The following GALNTL6 variants were observed in gnomAD, a reference collection of about 807,000 sequenced individuals.
The protein encoded by GALNTL6 is polypeptide N-acetylgalactosaminyltransferase like 6, also known as polypeptide N-acetylgalactosaminyltransferase-like 6.
Under a neutral mutation model 73.7 loss-of-function variants are expected in GALNTL6, and 46 were observed. That is an observed-to-expected ratio of 0.62 (90% CI 0.49 to 0.80). GALNTL6 has a LOEUF of 0.80. GALNTL6 is among the 30% of genes least tolerant of loss of function. The pLI is 0.00. For synonymous variants in GALNTL6, 259 were observed against 263.7 expected (o/e 0.98, Z 0.17); for missense variants, 604 against 755.0 (o/e 0.80, Z 2.34).
chr4:172,553,727 C>T (rs1736044139), intron 5 of GALNTL6, among the ~76,000 whole-genome samples: 1 of 152,080 alleles, frequency 6.6e-6, no homozygotes, highest in African/African-American at 2.4e-5. Flanking sequence ...CAACATATCT[C>T]TTATCTCCTT....
At chr4:171,987,754 G>A (rs1023134487) in intron 2 of GALNTL6, among the ~76,000 whole-genome samples, 7 of 152,136 alleles carry the variant, frequency 4.6e-5, no homozygotes, top group African/African-American at 1.7e-4. Context: ...GCTGGTGTGT[G>A]GCGATTAGGC....
chr4:172,078,248 T>A (rs1731768198), intron 2 of GALNTL6, among the ~76,000 whole-genome samples: 2 of 152,174 alleles, frequency 1.3e-5, no homozygotes, highest in Non-Finnish European at 2.9e-5. Flanking sequence ...ATTCTCGTGA[T>A]AGTGAGTTCT....
chr4:172,170,992 AAC>A (rs1734802099), intron 2 of GALNTL6, among the ~76,000 whole-genome samples: 1 of 152,250 alleles, frequency 6.6e-6, no homozygotes, highest in Non-Finnish European at 1.5e-5. Flanking sequence ...GAAAAGCAAT[AAC>A]ACACATTAGT....
chr4:171,966,341 AAGG>A (rs1364352851), intron 2 of GALNTL6, among the ~76,000 whole-genome samples: 4 of 152,240 alleles, frequency 2.6e-5, no homozygotes. Context: ...TTAATTAAGA[AAGG>A]TTTTTCTGTA....
Position 172,605,553 on chromosome 4 carries a change from T to C in GALNTL6, c.554-203808T>C, listed in dbSNP as rs541082421. ...TTGGGGAGAAATAATTTAAACATAT[T>C]AAGAACTTCTAGGAGGTCTCTAGAT... On this transcript the variant is annotated intron_variant, in intron 5 of 12. Transcript: ENST00000506823. Among the ~76,000 whole-genome samples, 4 of 152,190 alleles carry C rather than the reference T, an allele frequency of 2.6e-5. No homozygotes were observed. In the South Asian group the frequency reaches 8.3e-4, roughly 32 times the overall value.
chr4:172,124,297 A>G (rs1464405053), intron 2 of GALNTL6, among the ~76,000 whole-genome samples: 1 of 152,184 alleles, frequency 6.6e-6, no homozygotes, highest in Non-Finnish European at 1.5e-5. Context: ...AATTAATGTA[A>G]TGATCTAATA....
At chr4:172,994,936 C>T (rs1157994615) in intron 10 of GALNTL6, among the ~76,000 whole-genome samples, 1 of 152,146 alleles carries the variant, frequency 6.6e-6, no homozygotes, top group African/African-American at 2.4e-5. Context: ...TATTTTCAAC[C>T]TGCTCACATT....
rs187988442 is a variant in GALNTL6 at position 171,877,244 on chromosome 4, G to A, written c.138+62526G>A. On this transcript the variant is annotated intron_variant, in intron 2 of 12. Transcript: ENST00000506823. ...TGGAAACTACATTAAGTGTGGCTAC[G>A]AATTACCCCTTTCTCTGAGATTCAA... 8.7e-4 allele frequency among the ~76,000 whole-genome samples: 132 copies of A among 152,208 alleles called. 1 individual carries two copies. Among genetic ancestry groups the A allele is most frequent in the Non-Finnish European group, 2.9e-5 (2 of 68,022 alleles).
chr4:172,943,096 T>C (rs891542468), intron 9 of GALNTL6, among the ~76,000 whole-genome samples: 8 of 119,678 alleles, frequency 6.7e-5, no homozygotes, highest in Non-Finnish European at 1.2e-4. Context: ...CCTATTATCC[T>C]TTTTTTTTTT....
chr4:172,708,762 T>C (rs1178851124), intron 5 of GALNTL6, among the ~76,000 whole-genome samples: 1 of 152,226 alleles, frequency 6.6e-6, no homozygotes, highest in African/African-American at 2.4e-5. Context: ...ATTCTGACCA[T>C]ATCATAATTG....
chr4:172,778,990 C>G (rs1452941081), intron 5 of GALNTL6, among the ~76,000 whole-genome samples: 1 of 151,472 alleles, frequency 6.6e-6, no homozygotes, highest in Non-Finnish European at 1.5e-5. Flanking sequence ...CTCTCTCTCT[C>G]TCACACACAC....
chr4:172,364,979 T>C (rs1742503312), intron 5 of GALNTL6, among the ~76,000 whole-genome samples: 1 of 152,186 alleles, frequency 6.6e-6, no homozygotes. Flanking sequence ...GTGCTTGTTT[T>C]TGTCACTGCT....
chr4:171,956,589 T>A lies in GALNTL6; in HGVS notation c.138+141871T>A, dbSNP rs1459985543. Among the ~76,000 whole-genome samples the A allele has an allele frequency of 2.6e-5, 4 of 152,216 alleles. No individual in the cohort carries two copies. The East Asian group carries it at 7.7e-4, about 29-fold the overall frequency. On this transcript the variant is annotated intron_variant, in intron 2 of 12. Transcript: ENST00000506823. ...TCACTAATGATAATTTCATATTTCT[T>A]CTTTTGTGAATTGTTTATGTTAATA... is the stretch of plus-strand genomic sequence containing the variant.
intron 5 of GALNTL6, among the ~76,000 whole-genome samples, chr4:172,482,245 G>A (rs1733514731): frequency 6.6e-6 from 1 of 152,176 alleles, no homozygotes; most frequent in African/African-American, 2.4e-5. Context: ...ATTCCCACCT[G>A]CGCCTCTCCC....
intron 2 of GALNTL6, among the ~76,000 whole-genome samples, chr4:172,011,570 A>G (rs1213557521): frequency 6.6e-6 from 1 of 152,068 alleles, no homozygotes; most frequent in African/African-American, 2.4e-5. Context: ...AGATTTTTTT[A>G]GGGCACTTTT....
At chr4:171,871,045 A>G (rs1052215861) in intron 2 of GALNTL6, among the ~76,000 whole-genome samples, 1 of 152,210 alleles carries the variant, frequency 6.6e-6, no homozygotes, top group Non-Finnish European at 1.5e-5. Flanking sequence ...ACAATTAAAA[A>G]TAAAACTAAT....
intron 2 of GALNTL6, among the ~76,000 whole-genome samples, chr4:171,865,783 A>G (rs1735953976): frequency 6.6e-6 from 1 of 152,224 alleles, no homozygotes; most frequent in African/African-American, 2.4e-5. Context: ...TCAATTGAAA[A>G]GTGAGTCTAA....
chr4:172,334,983 CT>C lies in GALNTL6; in HGVS notation c.387-13525del, dbSNP rs34428087. ...TTTGTCTATTGATATAATCATATGACTTTTTTTTTTTTTTTGAGACAGAGTC... is the reference window on the plus strand; with the variant it reads ...TTTGTCTATTGATATAATCATATGACTTTTTTTTTTTTTTGAGACAGAGTC... On this transcript the variant is annotated intron_variant, in intron 4 of 12. Transcript: ENST00000506823. Among the ~76,000 whole-genome samples the C allele has an allele frequency of 8.0e-3, 1,128 of 141,484 alleles. 1 individual carries two copies. Among genetic ancestry groups the C allele is most frequent in the East Asian group, 0.022 (108 of 4,904 alleles). 92.8% of individuals were successfully genotyped at this position (141,484 alleles called of 152,430 possible). A position where few individuals can be genotyped will look rare whatever the true frequency, so the allele number is the denominator to read the frequency against.
At chr4:172,482,363 G>A (rs1733520823) in intron 5 of GALNTL6, among the ~76,000 whole-genome samples, 1 of 152,236 alleles carries the variant, frequency 6.6e-6, no homozygotes, top group Non-Finnish European at 1.5e-5. Flanking sequence ...CGTGGCCAGA[G>A]CGGATGCCGA....
Sources: gnomAD v4.1 joint callset for allele counts (sites outside exome capture counted in the v4.1 genomes callset) on GRCh38, gnomAD v4.1.1 for gene constraint, MANE v1.5 for transcripts, NCBI Gene and HGNC (gene_info 2026-07-23, HGNC 2026-07-21) for gene names.